Variants in GPR158 observed in about 807,000 individuals in gnomAD.
GPR158 encodes G protein-coupled receptor 158, also known as metabotropic glycine receptor.
A neutral mutation model predicts 78.2 loss-of-function variants in GPR158; 30 were observed. The observed-to-expected ratio is 0.38, with a 90% CI of 0.29 to 0.52. The LOEUF (loss-of-function observed/expected upper bound fraction) is 0.52. GPR158 is among the 20% of genes least tolerant of loss of function. The pLI, the probability that GPR158 is intolerant of heterozygous loss-of-function variation, is 0.83. For synonymous variants in GPR158, 581 were observed against 591.1 expected, an observed-to-expected ratio of 0.98 and a Z score of 0.25; for missense variants, 1,463 against 1,523.5, an observed-to-expected ratio of 0.96 and a Z score of 0.66.
chr10:25,240,251 G>A (rs1307038082), intron 2 of GPR158, among the ~76,000 whole-genome samples: 1 of 152,216 alleles, frequency 6.6e-6, no homozygotes, highest in Non-Finnish European at 1.5e-5. Context: ...GCTCATGCCT[G>A]TAATCACAGC....
intron 4 of GPR158, among the ~76,000 whole-genome samples, chr10:25,463,181 G>A (rs1238549907): frequency 6.6e-6 from 1 of 152,182 alleles, no homozygotes; most frequent in Non-Finnish European, 1.5e-5. Context: ...AGCCTCAGAT[G>A]ATTATTAGCA....
chr10:25,267,072 A>G (rs758098767), intron 2 of GPR158, among the ~76,000 whole-genome samples: 17 of 152,054 alleles, frequency 1.1e-4, no homozygotes, highest in Non-Finnish European at 1.9e-4. Flanking sequence ...TTTAAATTTC[A>G]ATCAAATATA....
chr10:25,251,782 A>G (rs1445515971), intron 2 of GPR158, among the ~76,000 whole-genome samples: 1 of 150,238 alleles, frequency 6.7e-6, no homozygotes, highest in Non-Finnish European at 1.5e-5. Context: ...GAATCTGACA[A>G]TTATGTGTCT....
chr10:25,320,211 C>T (rs773048183), intron 2 of GPR158, among the ~76,000 whole-genome samples: 14 of 152,212 alleles, frequency 9.2e-5, no homozygotes, highest in Non-Finnish European at 2.1e-4. Flanking sequence ...ATATCTCACC[C>T]TTCACACACT....
chr10:25,444,297 G>T (rs1224872618), intron 4 of GPR158, among the ~76,000 whole-genome samples: 2 of 151,544 alleles, frequency 1.3e-5, no homozygotes, highest in African/African-American at 4.9e-5. Flanking sequence ...GGGGGTGAGG[G>T]TATGTGCATG....
At position 25,397,815 on chromosome 10, in the gene GPR158, C is replaced by T. The variant is rs776356796; in HGVS notation, c.1111+1802C>T. On this transcript the variant is annotated intron_variant, in intron 3 of 10. Transcript: ENST00000376351. ...ATTTGCTGGGATAGTCACTCCCTTG[C>T]TTAGGTTCTGTTATTTAGCAACATA... 7.4e-4 allele frequency among the ~76,000 whole-genome samples: 112 copies of T among 152,078 alleles called. 1 individual carries two copies. Among genetic ancestry groups the T allele is most frequent in the African/African-American group, 2.2e-4 (9 of 41,398 alleles).
intron 2 of GPR158, among the ~76,000 whole-genome samples, chr10:25,284,017 C>T (rs1564410422): frequency 6.6e-6 from 1 of 152,002 alleles, no homozygotes; most frequent in Non-Finnish European, 1.5e-5. Flanking sequence ...TTGTTAAGGA[C>T]ATTTGTGACC....
At position 25,231,055 on chromosome 10, in the gene GPR158, T is replaced by C. The variant is rs185393346; in HGVS notation, c.1008+9898T>C. Among the ~76,000 whole-genome samples, 14 of 152,362 alleles carry C rather than the reference T, an allele frequency of 9.2e-5. 1 individual carries two copies. In the East Asian group the frequency reaches 2.7e-3, roughly 29 times the overall value. Reference sequence around the variant, plus strand: ...AAGAATACTCTCATTGTCCTTGTACTGGTAATACTTTAAATTCTCACTTTA... The same window carrying C: ...AAGAATACTCTCATTGTCCTTGTACCGGTAATACTTTAAATTCTCACTTTA... On this transcript the variant is annotated intron_variant, in intron 2 of 10. Coordinates refer to ENST00000376351, the MANE Select transcript of GPR158 (RefSeq NM_020752.3).
chr10:25,486,446 A>G (rs542062489), intron 5 of GPR158, among the ~76,000 whole-genome samples: 2 of 152,178 alleles, frequency 1.3e-5, no homozygotes, highest in Admixed American at 1.3e-4. Flanking sequence ...TAATAACGTC[A>G]TCATGGGAGA....
intron 2 of GPR158, among the ~76,000 whole-genome samples, chr10:25,342,570 G>C (rs539222604): frequency 6.6e-6 from 1 of 151,864 alleles, no homozygotes; most frequent in Non-Finnish European, 1.5e-5. Flanking sequence ...AGCACATGAA[G>C]CTTACCACCC....
intron 4 of GPR158, among the ~76,000 whole-genome samples, chr10:25,441,954 A>C (rs1206912410): frequency 1.3e-5 from 2 of 152,182 alleles, no homozygotes; most frequent in African/African-American, 4.8e-5. Flanking sequence ...TGGAGAGTTT[A>C]AGGGCGTTTG....
Position 25,560,595 on chromosome 10 carries a change from T to C in GPR158, c.1514+9510T>C, listed in dbSNP as rs532119692. Among the ~76,000 whole-genome samples the C allele has an allele frequency of 1.6e-4, 25 of 152,348 alleles. 1 individual carries two copies. The South Asian group carries it at 4.1e-3, about 25-fold the overall frequency. On this transcript the variant is annotated intron_variant, in intron 6 of 10. Transcript: ENST00000376351. Reference sequence around the variant, plus strand: ...TATTGTTTTTAAAACTTCTTTTATATTGGACTAACACCTAAAGTACATAAA... The same window carrying C: ...TATTGTTTTTAAAACTTCTTTTATACTGGACTAACACCTAAAGTACATAAA...
At position 25,476,865 on chromosome 10, in the gene GPR158, A is replaced by G. The variant is rs1835593062; in HGVS notation, c.1404+10146A>G. Among the ~76,000 whole-genome samples, 4 of 152,250 alleles carry G rather than the reference A, an allele frequency of 2.6e-5. 1 individual carries two copies. The South Asian group carries it at 8.3e-4, about 32-fold the overall frequency. On this transcript the variant is annotated intron_variant, in intron 5 of 10. Transcript: ENST00000376351. ...GGCACAGAGGATGACTGAAACCAGGAATCAATTCATAATGGCTCAGGGTTT... is the reference window on the plus strand; with the variant it reads ...GGCACAGAGGATGACTGAAACCAGGGATCAATTCATAATGGCTCAGGGTTT...
At chr10:25,473,685 G>T (rs147920531) in intron 5 of GPR158, among the ~76,000 whole-genome samples, 60 of 152,230 alleles carry the variant, frequency 3.9e-4, no homozygotes, top group African/African-American at 1.4e-3. Context: ...AGTCTCAGTA[G>T]AGTGTATGTG....
chr10:25,592,863 A>G (rs1369043611), intron 8 of GPR158, among the ~76,000 whole-genome samples: 1 of 144,310 alleles, frequency 6.9e-6, no homozygotes, highest in Non-Finnish European at 1.5e-5. Context: ...TGCCTCAGAG[A>G]CTGTTACTTG....
rs199864321 is a variant in GPR158, at chr10:25,484,730, T to G, written c.1404+18011T>G. Among the ~76,000 whole-genome samples, 9 of 152,296 alleles carry G rather than the reference T, an allele frequency of 5.9e-5. No individual in the cohort carries two copies. The East Asian group carries it at 1.7e-3, about 29-fold the overall frequency. ...TTTCTATAGTTAATGTCTTTGCTCA[T>G]GGGCAAAACATGGCAGGGGCTCTTT... On this transcript the variant is annotated intron_variant, in intron 5 of 10. Transcript: ENST00000376351.
chr10:25,429,008 T>C (rs1834859723), intron 4 of GPR158, among the ~76,000 whole-genome samples: 1 of 151,924 alleles, frequency 6.6e-6, no homozygotes, highest in African/African-American at 2.4e-5. Context: ...AGCAGAAAAA[T>C]CAGCATGGCC....
At chr10:25,253,551 T>C (rs188421125) in intron 2 of GPR158, among the ~76,000 whole-genome samples, 80 of 152,342 alleles carry the variant, frequency 5.3e-4, no homozygotes, top group Middle Eastern at 3.4e-3. Context: ...GTAATGTCAT[T>C]CAGAATCTTC....
chr10:25,409,298 G>A (rs1405327949), intron 3 of GPR158, among the ~76,000 whole-genome samples: 1 of 152,108 alleles, frequency 6.6e-6, no homozygotes, highest in Non-Finnish European at 1.5e-5. Flanking sequence ...ACCAATAATT[G>A]TACAAAATCA....
Sources: allele counts gnomAD v4.1 joint callset (sites outside exome capture counted in the v4.1 genomes callset), GRCh38; gene constraint gnomAD v4.1.1; transcripts MANE v1.5; gene names NCBI Gene and HGNC (gene_info 2026-07-23, HGNC 2026-07-21).